Variants in GRM7 observed in about 807,000 individuals in gnomAD.
GRM7 encodes the protein metabotropic glutamate receptor 7.
Under a neutral mutation model 84.5 loss-of-function variants are expected in GRM7, and 35 were observed. That is an observed-to-expected ratio of 0.41 (90% CI 0.32 to 0.55). GRM7 has a LOEUF of 0.55. Among genes scored for constraint, GRM7 ranks in the 20% least tolerant of loss-of-function variants. GRM7 has a pLI of 0.19. For missense variants in GRM7, 1,003 were observed against 1,194.6 expected, an observed-to-expected ratio of 0.84 and a Z score of 2.36; for synonymous variants, 487 against 455.1, an observed-to-expected ratio of 1.07 and a Z score of -0.89.
chr3:7,621,281 G>A (rs1050276250), intron 8 of GRM7, among the ~76,000 whole-genome samples: 6 of 152,068 alleles, frequency 3.9e-5, no homozygotes, highest in East Asian at 1.9e-4. Flanking sequence ...GTGGAGAGTC[G>A]AGAATTTCAT....
At chr3:6,897,201 C>T (rs1010411115) in intron 1 of GRM7, among the ~76,000 whole-genome samples, 2 of 152,154 alleles carry the variant, frequency 1.3e-5, no homozygotes, top group Admixed American at 6.5e-5. Context: ...TACTATTGAA[C>T]AGCTTCTTTA....
chr3:7,250,512 T>C (rs1697939720), intron 2 of GRM7, among the ~76,000 whole-genome samples: 1 of 147,240 alleles, frequency 6.8e-6, no homozygotes, highest in Non-Finnish European at 1.5e-5. Flanking sequence ...TATTTGTTTA[T>C]TTATTTATTT....
chr3:7,509,998 G>T (rs1700150183), intron 7 of GRM7, among the ~76,000 whole-genome samples: 1 of 152,160 alleles, frequency 6.6e-6, no homozygotes, highest in Non-Finnish European at 1.5e-5. Flanking sequence ...ATATTTATTT[G>T]TTTCTACTTT....
intron 4 of GRM7, among the ~76,000 whole-genome samples, chr3:7,366,724 A>G (rs1020933521): frequency 1.6e-4 from 24 of 151,862 alleles, no homozygotes; most frequent in Admixed American, 1.5e-3. Flanking sequence ...TGAGAAAACT[A>G]TGTGAGAGCT....
chr3:7,628,525 G>T (rs997326522), intron 8 of GRM7, among the ~76,000 whole-genome samples: 1 of 152,108 alleles, frequency 6.6e-6, no homozygotes, highest in Admixed American at 6.6e-5. Context: ...TGTGAGTCCT[G>T]GTTCTATATT....
chr3:7,241,795 C>G (rs1021136154), intron 2 of GRM7, among the ~76,000 whole-genome samples: 8 of 152,112 alleles, frequency 5.3e-5, no homozygotes, highest in African/African-American at 1.9e-4. Flanking sequence ...CAGGGCACAT[C>G]TCCAGGTTTT....
intron 1 of GRM7, among the ~76,000 whole-genome samples, chr3:7,099,191 T>A (rs1207082375): frequency 6.7e-6 from 1 of 149,852 alleles, no homozygotes; most frequent in Non-Finnish European, 1.5e-5. Context: ...TGCATATATA[T>A]ATATACGTAT....
Position 7,367,977 on chromosome 3 carries a change from C to CAA in GRM7, c.1034-47046_1034-47045insAA, listed in dbSNP as rs1693976690. Among the ~76,000 whole-genome samples the CAA allele has an allele frequency of 8.5e-3, 5 of 586 alleles. No homozygotes were observed. In the South Asian group the frequency reaches 0.17, roughly 20 times the overall value. 0.4% of individuals were successfully genotyped at this position (586 alleles called of 152,430 possible). ...AAGAAAAAATCAACAACAACAACAA[C>CAA]TACACAGACAATGAAAAATACAATG... On this transcript the variant is annotated intron_variant, in intron 4 of 9. Transcript: ENST00000357716.
chr3:7,097,774 T>A (rs1225051938), intron 1 of GRM7, among the ~76,000 whole-genome samples: 1 of 152,140 alleles, frequency 6.6e-6, no homozygotes, highest in African/African-American at 2.4e-5. Context: ...TTGTCTCACA[T>A]ATCAAAATTC....
At chr3:7,636,180 C>T in intron 8 of GRM7, 1 of 456,490 alleles carries the variant, frequency 2.2e-6, no homozygotes, top group South Asian at 1.5e-5. Context: ...ACTAGGCTAA[C>T]TTCTACTCAT....
intron 1 of GRM7, among the ~76,000 whole-genome samples, chr3:6,945,472 T>C (rs922970479): frequency 6.6e-6 from 1 of 152,134 alleles, no homozygotes; most frequent in Non-Finnish European, 1.5e-5. Context: ...TTGTTGGACA[T>C]TTCAGTTGGT....
chr3:7,257,589 A>G (rs1461061548), intron 2 of GRM7, among the ~76,000 whole-genome samples: 1 of 152,206 alleles, frequency 6.6e-6, no homozygotes, highest in Non-Finnish European at 1.5e-5. Context: ...AAGTCTTCAA[A>G]TCTATCACAG....
intron 1 of GRM7, among the ~76,000 whole-genome samples, chr3:6,887,148 C>A (rs572024129): frequency 6.6e-6 from 1 of 151,966 alleles, no homozygotes; most frequent in African/African-American, 2.4e-5. Context: ...AAATACCAGA[C>A]ACATTTACAT....
intron 9 of GRM7, among the ~76,000 whole-genome samples, chr3:7,733,780 C>A (rs1199172762): frequency 6.6e-6 from 1 of 152,146 alleles, no homozygotes; most frequent in Non-Finnish European, 1.5e-5. Flanking sequence ...CCTTTCCAGC[C>A]TTGACTTCCA....
At chr3:7,102,819 T>C (rs1699160099) in intron 1 of GRM7, among the ~76,000 whole-genome samples, 1 of 151,808 alleles carries the variant, frequency 6.6e-6, no homozygotes, top group Non-Finnish European at 1.5e-5. Context: ...TTTGGCTATC[T>C]ACAATGTTCT....
chr3:7,058,470 T>G (rs993829796), intron 1 of GRM7, among the ~76,000 whole-genome samples: 5 of 151,954 alleles, frequency 3.3e-5, no homozygotes, highest in Non-Finnish European at 5.9e-5. Flanking sequence ...TGCTTCTAGA[T>G]GTTGATGTCA....
intron 7 of GRM7, among the ~76,000 whole-genome samples, chr3:7,478,890 A>T (rs535712879): frequency 1.3e-5 from 2 of 152,256 alleles, no homozygotes; most frequent in South Asian, 4.1e-4. Flanking sequence ...ACCTTCCCTA[A>T]TTCTTAATTG....
rs1228356134 is a variant in GRM7, at chr3:7,516,494, A to G, written c.1515+54772A>G. ...TCCCTCTCAAAAAAAAAAAAAAAAA[A>G]AAAAAAAAAAAGAAATAGTTAGTTC... On this transcript the variant is annotated intron_variant, in intron 7 of 9. Transcript: ENST00000357716. Among the ~76,000 whole-genome samples the G allele has an allele frequency of 7.4e-5, 11 of 148,904 alleles. 1 individual carries two copies. Among genetic ancestry groups the G allele is most frequent in the African/African-American group, 2.5e-4 (10 of 40,454 alleles).
chr3:6,945,973 G>A (rs1029795050), intron 1 of GRM7, among the ~76,000 whole-genome samples: 1 of 152,144 alleles, frequency 6.6e-6, no homozygotes, highest in Non-Finnish European at 1.5e-5. Context: ...TTTGTCAGAT[G>A]AGTAGGTTGC....
Sources: gnomAD v4.1 joint callset for allele counts (sites outside exome capture counted in the v4.1 genomes callset) on GRCh38, gnomAD v4.1.1 for gene constraint, MANE v1.5 for transcripts, NCBI Gene and HGNC (gene_info 2026-07-23, HGNC 2026-07-21) for gene names.